Variants in TP63 observed in about 807,000 individuals in gnomAD.
TP63 encodes tumor protein p63.
TP63 carries 17 observed loss-of-function variants against 82.8 expected under a neutral mutation model. That is an observed-to-expected ratio of 0.21 (90% CI 0.14 to 0.31). TP63 has a LOEUF of 0.31. Among genes scored for constraint, TP63 ranks in the 10% least tolerant of loss-of-function variants. The probability of loss-of-function intolerance (pLI) is 1.00; values close to 1 mark genes in which losing one functional copy is unlikely to be tolerated. For missense variants in TP63, 648 were observed against 895.3 expected (o/e 0.72, Z 3.52); for synonymous variants, 330 against 321.7 (o/e 1.03, Z -0.28).
At position 189,846,632 on chromosome 3, in the gene TP63, G is replaced by C. The variant is rs866299932; in HGVS notation, c.580-17600G>C. ...GTAGGGTGTGTGTGTGTGTGTGTGT[G>C]TGTGTGTGTGTGTCATCAGAAAGAT... On this transcript the variant is annotated intron_variant, in intron 4 of 13. Coordinates refer to ENST00000264731, the MANE Select transcript of TP63 (RefSeq NM_003722.5). 5.9e-5 allele frequency among the ~76,000 whole-genome samples: 7 copies of C among 119,644 alleles called. 1 individual carries two copies. In the South Asian group the frequency reaches 1.7e-3, roughly 29 times the overall value. 78.5% of individuals were successfully genotyped at this position (119,644 alleles called of 152,430 possible). A position where few individuals can be genotyped will look rare whatever the true frequency, so the allele number is the denominator to read the frequency against.
chr3:189,657,065 G>T (rs1286847793), intron 1 of TP63, among the ~76,000 whole-genome samples: 1 of 151,412 alleles, frequency 6.6e-6, no homozygotes, highest in African/African-American at 2.4e-5. Flanking sequence ...ATATTGCTAA[G>T]GGGAAGAAGC....
At chr3:189,719,780 T>C (rs193064296) in intron 1 of TP63, among the ~76,000 whole-genome samples, 179 of 152,332 alleles carry the variant, frequency 1.2e-3, no homozygotes, top group South Asian at 7.5e-3. Context: ...ATCTCCTTCG[T>C]GAGCGCTTTT....
chr3:189,739,785 CT>C (rs200515220), intron 3 of TP63, among the ~76,000 whole-genome samples: 15,269 of 126,378 alleles, frequency 0.12, 1,010 homozygotes, highest in East Asian at 0.33. Flanking sequence ...GGTGGGTTTT[CT>C]TTTTTTTTTT....
At chr3:189,853,239 G>A (rs1274800687) in intron 4 of TP63, among the ~76,000 whole-genome samples, 2 of 152,116 alleles carry the variant, frequency 1.3e-5, no homozygotes, top group Admixed American at 1.3e-4. Flanking sequence ...AGCTACAGTA[G>A]TCTTATAGAA....
At chr3:189,611,408 C>CCCCATTGTTTGTTTTTGTCAGCTTTGTGG in the TP63 span, among the ~76,000 whole-genome samples, 5 of 152,082 alleles carry the variant, frequency 3.3e-5, no homozygotes, top group South Asian at 1.0e-3. Context: ...GTTGTCTTTT[C>CCCCATTGTTTGTTTTTGTCAGCTTTGTGG]CCCATTGTTT....
intron 3 of TP63, among the ~76,000 whole-genome samples, chr3:189,807,341 G>C (rs920007248): frequency 5.3e-5 from 8 of 152,208 alleles, no homozygotes; most frequent in Admixed American, 1.3e-4. Flanking sequence ...CTACCTCTCC[G>C]ATAGTAATAT....
chr3:189,823,629 G>A (rs1175033912), intron 4 of TP63, among the ~76,000 whole-genome samples: 1 of 152,108 alleles, frequency 6.6e-6, no homozygotes, highest in East Asian at 1.9e-4. Flanking sequence ...AAAATGATTA[G>A]CTATTTTACT....
intron 3 of TP63, among the ~76,000 whole-genome samples, chr3:189,790,606 A>G (rs1725030509): frequency 1.3e-5 from 2 of 151,640 alleles, no homozygotes; most frequent in African/African-American, 4.8e-5. Context: ...TCCTGAAGAG[A>G]CTGTAAGGCT....
intron 1 of TP63, among the ~76,000 whole-genome samples, chr3:189,646,171 G>T (rs2108628060): frequency 6.8e-6 from 1 of 147,028 alleles, no homozygotes; most frequent in South Asian, 2.2e-4. Context: ...GTGTACTATT[G>T]AATTTAAAAA....
At chr3:189,673,209 C>T (rs1025441284) in intron 1 of TP63, among the ~76,000 whole-genome samples, 8 of 152,058 alleles carry the variant, frequency 5.3e-5, no homozygotes, top group Non-Finnish European at 1.2e-4. Flanking sequence ...GAACATTCTT[C>T]CATAATAATA....
chr3:189,679,052 G>A (rs1222599401), intron 1 of TP63, among the ~76,000 whole-genome samples: 1 of 151,940 alleles, frequency 6.6e-6, no homozygotes, highest in African/African-American at 2.4e-5. Context: ...ATGAACAGAG[G>A]TTGATTCCGT....
chr3:189,624,519 C>A, the TP63 span, among the ~76,000 whole-genome samples: 1 of 152,034 alleles, frequency 6.6e-6, no homozygotes, highest in Non-Finnish European at 1.5e-5. Flanking sequence ...TATATAACAG[C>A]CTTTCCTCCT....
At chr3:189,714,573 T>A (rs995111077) in intron 1 of TP63, among the ~76,000 whole-genome samples, 6 of 152,202 alleles carry the variant, frequency 3.9e-5, no homozygotes, top group African/African-American at 1.4e-4. Flanking sequence ...TGGTTGTGAC[T>A]TAGAGGCCTC....
chr3:189,883,191 T>TTA (rs1553861495), intron 10 of TP63, among the ~76,000 whole-genome samples: 3 of 151,976 alleles, frequency 2.0e-5, no homozygotes, highest in African/African-American at 7.3e-5. Context: ...TAATTTTTTT[T>TTA]AAAAAAGGTT....
At chr3:189,702,650 G>A (rs1331967665) in intron 1 of TP63, among the ~76,000 whole-genome samples, 2 of 152,204 alleles carry the variant, frequency 1.3e-5, no homozygotes, top group Non-Finnish European at 2.9e-5. Context: ...GTTGAGCATC[G>A]CAGAAGGTTA....
intron 3 of TP63, among the ~76,000 whole-genome samples, chr3:189,779,371 T>G (rs1200917451): frequency 2.6e-5 from 4 of 152,324 alleles, no homozygotes; most frequent in African/African-American, 9.6e-5. Flanking sequence ...CCTACTTGGT[T>G]GCACCACTTT....
the TP63 span, among the ~76,000 whole-genome samples, chr3:189,612,843 C>G: frequency 6.6e-6 from 1 of 152,206 alleles, no homozygotes; most frequent in Admixed American, 6.5e-5. Flanking sequence ...AGCAAAGAGA[C>G]TGGTGGCATT....
chr3:189,731,359 AAAAG>A (rs2108784486), intron 1 of TP63, among the ~76,000 whole-genome samples: 1 of 152,308 alleles, frequency 6.6e-6, no homozygotes, highest in East Asian at 1.9e-4. Flanking sequence ...AAAAGAAAAA[AAAAG>A]AACACTTAGG....
At chr3:189,657,329 G>A (rs1028474068) in intron 1 of TP63, among the ~76,000 whole-genome samples, 4 of 152,176 alleles carry the variant, frequency 2.6e-5, no homozygotes, top group East Asian at 1.9e-4. Flanking sequence ...GAACCTCAAT[G>A]TATATAAATT....
Sources: gnomAD v4.1 joint callset for allele counts (sites outside exome capture counted in the v4.1 genomes callset) on GRCh38, gnomAD v4.1.1 for gene constraint, MANE v1.5 for transcripts, NCBI Gene and HGNC (gene_info 2026-07-23, HGNC 2026-07-21) for gene names.